Variants in LMNTD1 observed in about 807,000 individuals in gnomAD.
LMNTD1 encodes lamin tail domain containing 1.
A neutral mutation model predicts 50.9 loss-of-function variants in LMNTD1; 35 were observed. The ratio of observed to expected loss-of-function variants is 0.69; its 90% CI spans 0.53 to 0.91. The LOEUF is 0.91. Among genes scored for constraint, LMNTD1 ranks in the 40% least tolerant of loss-of-function variants. The pLI is 0.00. For synonymous variants in LMNTD1, 153 were observed against 161.9 expected, an observed-to-expected ratio of 0.94 and a Z score of 0.42; for missense variants, 470 against 475.5, an observed-to-expected ratio of 0.99 and a Z score of 0.11.
chr12:25,560,309 C>G, intron 1 of LMNTD1, among the ~76,000 whole-genome samples: 1 of 152,136 alleles, frequency 6.6e-6, no homozygotes, highest in African/African-American at 2.4e-5. Flanking sequence ...AATCCTTTCC[C>G]CATTGCTTGT....
chr12:25,561,458 G>C (rs917961117), intron 1 of LMNTD1, among the ~76,000 whole-genome samples: 6 of 152,198 alleles, frequency 3.9e-5, no homozygotes, highest in Non-Finnish European at 8.8e-5. Context: ...AGTTTTGAGT[G>C]AGTTTCTTAA....
At chr12:25,626,688 T>C (rs1010113817) in intron 1 of LMNTD1, among the ~76,000 whole-genome samples, 5 of 152,180 alleles carry the variant, frequency 3.3e-5, no homozygotes, top group East Asian at 1.9e-4. Context: ...CCTTGTTCTA[T>C]AATTTTTTAG....
intron 9 of LMNTD1, among the ~76,000 whole-genome samples, chr12:25,490,931 C>T (rs1169395323): frequency 2.6e-5 from 4 of 152,188 alleles, no homozygotes; most frequent in African/African-American, 7.2e-5. Flanking sequence ...TAGTCTTTGA[C>T]AAACACAATT....
intron 1 of LMNTD1, among the ~76,000 whole-genome samples, chr12:25,604,067 C>G (rs1012845656): frequency 6.6e-6 from 1 of 152,076 alleles, no homozygotes; most frequent in East Asian, 1.9e-4. Context: ...TATGAATCAA[C>G]CCTATCACAT....
At chr12:25,578,674 A>G (rs1188984611) in intron 1 of LMNTD1, among the ~76,000 whole-genome samples, 1 of 152,178 alleles carries the variant, frequency 6.6e-6, no homozygotes, top group Non-Finnish European at 1.5e-5. Flanking sequence ...CCAAGTCAGC[A>G]TTGAATTTTT....
At chr12:25,632,725 A>G (rs1041407125) in intron 1 of LMNTD1, among the ~76,000 whole-genome samples, 1 of 152,218 alleles carries the variant, frequency 6.6e-6, no homozygotes, top group Admixed American at 6.5e-5. Flanking sequence ...GACCCATAAA[A>G]CAAAAATACA....
chr12:25,480,765 T>C (rs1218287334), intron 9 of LMNTD1, among the ~76,000 whole-genome samples: 2 of 152,226 alleles, frequency 1.3e-5, no homozygotes, highest in Non-Finnish European at 2.9e-5. Context: ...CATATGTCTT[T>C]ATAGTCCCTA....
chr12:25,540,004 A>G (rs1388869483), intron 4 of LMNTD1, among the ~76,000 whole-genome samples: 1 of 145,282 alleles, frequency 6.9e-6, no homozygotes, highest in Admixed American at 6.8e-5. Flanking sequence ...TGACACATAC[A>G]CTCTCCCAAG....
chr12:25,584,763 T>C (rs1945449163), intron 1 of LMNTD1, among the ~76,000 whole-genome samples: 1 of 152,190 alleles, frequency 6.6e-6, no homozygotes, highest in South Asian at 2.1e-4. Flanking sequence ...ATCATGATGG[T>C]ATTATTTGCA....
intron 1 of LMNTD1, among the ~76,000 whole-genome samples, chr12:25,574,963 T>C (rs896801872): frequency 2.6e-5 from 4 of 152,194 alleles, no homozygotes; most frequent in Non-Finnish European, 4.4e-5. Flanking sequence ...GGTGATTACC[T>C]GGCTCTTTGA....
intron 1 of LMNTD1, among the ~76,000 whole-genome samples, chr12:25,580,171 C>T (rs1228578241): frequency 6.6e-6 from 1 of 152,178 alleles, no homozygotes; most frequent in African/African-American, 2.4e-5. Flanking sequence ...CAATGGAAAA[C>T]TCCCACTTAT....
exon 1 of LMNTD1, chr12:25,648,498 G>A (rs1445398149): frequency 6.4e-7 from 1 of 1,551,378 alleles, no homozygotes; most frequent in Non-Finnish European, 8.7e-7. Context: ...ACTTACTGTG[G>A]TGGGTCTGGA....
Position 25,518,782 on chromosome 12 carries a change from T to A in LMNTD1, c.1189+13A>T, listed in dbSNP as rs375025403. ...ACGCACTCTCCACTGGAACAAGCAC[T>A]CTTTTAACTGACCTGAGGCTCGATT... On this transcript the variant is annotated intron_variant, in intron 8 of 9. Transcript: ENST00000458174. The A allele has an allele frequency of 6.2e-7, 1 of 1,613,546 alleles. No homozygotes were observed. Among genetic ancestry groups the A allele is most frequent in the Non-Finnish European group, 8.5e-7 (1 of 1,179,552 alleles).
chr12:25,477,817 A>T (rs1391575861), intron 9 of LMNTD1, among the ~76,000 whole-genome samples: 1 of 151,834 alleles, frequency 6.6e-6, no homozygotes. Flanking sequence ...GAGTGGTAGG[A>T]CTCTTATTAT....
intron 9 of LMNTD1, among the ~76,000 whole-genome samples, chr12:25,491,754 C>T (rs1203241166): frequency 1.3e-5 from 2 of 152,208 alleles, no homozygotes; most frequent in Non-Finnish European, 2.9e-5. Flanking sequence ...ACCAGGAGGT[C>T]ATTAGTGACC....
intron 1 of LMNTD1, among the ~76,000 whole-genome samples, chr12:25,593,367 G>A (rs913357775): frequency 6.6e-6 from 1 of 152,174 alleles, no homozygotes; most frequent in South Asian, 2.1e-4. Flanking sequence ...GAGATCCACA[G>A]ATGGTTTACA....
chr12:25,549,661 C>T (rs1405980367), intron 2 of LMNTD1, 115 bp from the exon 3 acceptor site: 5 of 489,454 alleles, frequency 1.0e-5, no homozygotes, highest in Admixed American at 3.8e-5. Context: ...AGGTAATATG[C>T]ATCCAACACA....
At chr12:25,556,208 A>G (rs1944037033), upstream of LMNTD1, among the ~76,000 whole-genome samples, 1 of 152,078 alleles carries the variant, frequency 6.6e-6, no homozygotes, top group Admixed American at 6.6e-5. Flanking sequence ...CCCGACCTCA[A>G]GTGATTTGCC....
intron 6 of LMNTD1, among the ~76,000 whole-genome samples, chr12:25,524,498 A>AT (rs550223788): frequency 1.3e-5 from 2 of 152,340 alleles, no homozygotes; most frequent in South Asian, 4.1e-4. Context: ...ACAAAGCCTA[A>AT]TTCAGTTGCA....
Sources: allele counts gnomAD v4.1 joint callset (sites outside exome capture counted in the v4.1 genomes callset), GRCh38; gene constraint gnomAD v4.1.1; transcripts MANE v1.5; gene names NCBI Gene and HGNC (gene_info 2026-07-23, HGNC 2026-07-21).